Variants in HEATR3 observed in about 807,000 individuals in gnomAD.
The protein encoded by HEATR3 is HEAT repeat-containing protein 3.
Under a neutral mutation model 72.8 loss-of-function variants are expected in HEATR3, and 56 were observed. That is an observed-to-expected ratio of 0.77 (90% CI 0.62 to 0.96). HEATR3 has a LOEUF of 0.96. Ranked by LOEUF, HEATR3 falls within the 40% of genes least tolerant of loss-of-function variation. HEATR3 has a pLI of 0.00. For synonymous variants in HEATR3, 331 were observed against 318.1 expected, an observed-to-expected ratio of 1.04 and a Z score of -0.43; for missense variants, 747 against 831.4, an observed-to-expected ratio of 0.90 and a Z score of 1.25.
chr16:50,091,101 A>G (rs926517615), intron 11 of HEATR3, among the ~76,000 whole-genome samples: 3 of 151,514 alleles, frequency 2.0e-5, no homozygotes, highest in Admixed American at 2.0e-4. Flanking sequence ...CCAAGATTGC[A>G]CCACTGCACT....
chr16:50,090,354 CAATT>C (rs2037082468), intron 11 of HEATR3, among the ~76,000 whole-genome samples: 1 of 151,076 alleles, frequency 6.6e-6, no homozygotes, highest in Non-Finnish European at 1.5e-5. Context: ...ACTCTTATCT[CAATT>C]AAAAAAAAAA....
chr16:50,084,090 T>C, intron 8 of HEATR3, 44 bp from the exon 9 acceptor site: 1 of 1,613,990 alleles, frequency 6.2e-7, no homozygotes, highest in South Asian at 1.1e-5. Flanking sequence ...CCCGTGGAGA[T>C]TTTCTTAACT....
intron 14 of HEATR3, among the ~76,000 whole-genome samples, chr16:50,104,315 G>C (rs1000667882): frequency 6.6e-6 from 1 of 152,096 alleles, no homozygotes. Context: ...ACTGCAGCAC[G>C]GCTCTCTGGC....
intron 12 of HEATR3, among the ~76,000 whole-genome samples, chr16:50,094,995 A>G (rs1597170762): frequency 6.6e-6 from 1 of 152,172 alleles, no homozygotes; most frequent in Non-Finnish European, 1.5e-5. Flanking sequence ...AGGTGCTTTT[A>G]ATTTAATTTT....
At chr16:50,079,814 C>A (rs1246126502) in intron 7 of HEATR3, among the ~76,000 whole-genome samples, 1 of 152,158 alleles carries the variant, frequency 6.6e-6, no homozygotes, top group Non-Finnish European at 1.5e-5. Flanking sequence ...TCAGGAACTT[C>A]CTCCATGTTG....
In HEATR3 at chr16:50,070,213, G is replaced by T; in HGVS notation, c.435G>T (p.Leu145=). Residue 145 remains leucine (L), a synonymous_variant, in exon 4 of 15, where the codon CTG becomes CTT. Coordinates refer to ENST00000299192, the MANE Select transcript of HEATR3 (RefSeq NM_182922.4). Reference sequence around the variant, plus strand: ...GACTGGATTCAAATGAGATGTCTCTGCAGGAGAAAAAAGATCAGAACAGAA... The same window carrying T: ...GACTGGATTCAAATGAGATGTCTCTTCAGGAGAAAAAAGATCAGAACAGAA... The part of the protein sequence containing the change: ...SAGLDSNEMS[L]QEKKDQNRNS... The T allele has an allele frequency of 1.9e-6, 3 of 1,607,876 alleles. No individual in the cohort carries two copies. Among genetic ancestry groups the T allele is most frequent in the Non-Finnish European group, 2.6e-6 (3 of 1,175,756 alleles).
chr16:50,071,174 T>C (rs1379771982), intron 4 of HEATR3, among the ~76,000 whole-genome samples: 1 of 152,168 alleles, frequency 6.6e-6, no homozygotes, highest in Non-Finnish European at 1.5e-5. Flanking sequence ...CTGGATTTAC[T>C]TTTTTCTGCC....
chr16:50,094,179 A>G (rs1427538209), intron 11 of HEATR3, among the ~76,000 whole-genome samples: 3 of 152,212 alleles, frequency 2.0e-5, no homozygotes, highest in African/African-American at 4.8e-5. Context: ...AAGAAGGGAC[A>G]ATAAGAAAAG....
Position 50,068,191 on chromosome 16 carries a change from A to C in HEATR3, c.312-589A>C, listed in dbSNP as rs1013160651. 2.6e-5 allele frequency among the ~76,000 whole-genome samples: 4 copies of C among 152,346 alleles called. No homozygotes were observed. In the South Asian group the frequency reaches 6.2e-4, roughly 24 times the overall value. On this transcript the variant is annotated intron_variant, in intron 2 of 14. Transcript: ENST00000299192. ...GACTATCTCCATATCCTTAGGGACT[A>C]GCACAGTGCTGTGTACTCGGAAGTC...
At chr16:50,088,586 A>G (rs1403136501) in intron 11 of HEATR3, among the ~76,000 whole-genome samples, 1 of 152,168 alleles carries the variant, frequency 6.6e-6, no homozygotes, top group Admixed American at 6.5e-5. Flanking sequence ...GTAGCTTTGT[A>G]TTTGTCTCCT....
chr16:50,095,198 C>T (rs1340694148), intron 12 of HEATR3, among the ~76,000 whole-genome samples: 1 of 151,686 alleles, frequency 6.6e-6, no homozygotes, highest in Non-Finnish European at 1.5e-5. Flanking sequence ...ACTGCAACCT[C>T]TGCCTCCTGG....
intron 7 of HEATR3, among the ~76,000 whole-genome samples, chr16:50,079,327 C>G (rs887724860): frequency 1.3e-5 from 2 of 152,212 alleles, no homozygotes; most frequent in African/African-American, 2.4e-5. Context: ...CTCCCCACTT[C>G]TGTTACATAC....
At chr16:50,102,135 A>T in intron 13 of HEATR3, 124 bp from the exon 14 acceptor site, 1 of 703,298 alleles carries the variant, frequency 1.4e-6, no homozygotes, top group Non-Finnish European at 2.4e-6. Context: ...TAATCTCTTG[A>T]AGTTTTAATT....
chr16:50,103,127 A>C lies in HEATR3; in HGVS notation c.1920+692A>C, dbSNP rs182438914. Among the ~76,000 whole-genome samples, 258 of 152,286 alleles carry C rather than the reference A, an allele frequency of 1.7e-3. 2 individuals carry two copies. Among genetic ancestry groups the C allele is most frequent in the Non-Finnish European group, 2.2e-3 (151 of 68,022 alleles). ...TAAAGAGCTTGCAAGATAAGAAAAAAATATCCCCTATTTCCCTGCAGCTTC... is the reference window on the plus strand; with the variant it reads ...TAAAGAGCTTGCAAGATAAGAAAAACATATCCCCTATTTCCCTGCAGCTTC... On this transcript the variant is annotated intron_variant, in intron 14 of 14. Transcript: ENST00000299192.
At chr16:50,091,208 T>G (rs2037101988) in intron 11 of HEATR3, among the ~76,000 whole-genome samples, 1 of 152,018 alleles carries the variant, frequency 6.6e-6, no homozygotes, top group Non-Finnish European at 1.5e-5. Context: ...GGTTCACACC[T>G]GTAATCCCAG....
intron 14 of HEATR3, among the ~76,000 whole-genome samples, chr16:50,104,030 C>G (rs2037425199): frequency 6.6e-6 from 1 of 151,876 alleles, no homozygotes; most frequent in Admixed American, 6.6e-5. Context: ...AGACCCATCT[C>G]TATTAAAAAC....
intron 1 of HEATR3, 38 bp from the exon 2 acceptor site, chr16:50,066,329 A>G (rs765510880): frequency 3.2e-6 from 5 of 1,563,500 alleles, no homozygotes; most frequent in South Asian, 1.2e-5. Flanking sequence ...GCGCGTGCGC[A>G]TTGCGCGCCT....
chr16:50,102,736 A>G (rs1326398665), intron 14 of HEATR3, among the ~76,000 whole-genome samples: 1 of 152,116 alleles, frequency 6.6e-6, no homozygotes, highest in Admixed American at 6.6e-5. Context: ...AAGCACTTTC[A>G]TACACATTTT....
At chr16:50,084,911 C>G (rs2036954911) in intron 10 of HEATR3, among the ~76,000 whole-genome samples, 1 of 152,120 alleles carries the variant, frequency 6.6e-6, no homozygotes. Context: ...TTGACAAAAT[C>G]ACGCAGTACA....
Sources: allele counts gnomAD v4.1 joint callset (sites outside exome capture counted in the v4.1 genomes callset), GRCh38; gene constraint gnomAD v4.1.1; transcripts MANE v1.5; gene names NCBI Gene and HGNC (gene_info 2026-07-23, HGNC 2026-07-21).